Variants in EPHB1 observed in about 807,000 individuals in gnomAD.
The protein encoded by EPHB1 is EPH receptor B1.
EPHB1 carries 30 observed loss-of-function variants against 94.4 expected under a neutral mutation model. The ratio of observed to expected loss-of-function variants is 0.32; its 90% CI spans 0.24 to 0.43. The LOEUF (loss-of-function observed/expected upper bound fraction) is 0.43. Among genes scored for constraint, EPHB1 ranks in the 20% least tolerant of loss-of-function variants. The probability of loss-of-function intolerance (pLI) is 1.00; values close to 1 mark genes in which losing one functional copy is unlikely to be tolerated. For synonymous variants in EPHB1, 522 were observed against 489.1 expected, an observed-to-expected ratio of 1.07 and a Z score of -0.89; for missense variants, 1,055 against 1,308.3, an observed-to-expected ratio of 0.81 and a Z score of 2.99.
chr3:135,154,378 G>A, intron 6 of EPHB1, 102 bp downstream of exon 6: 1 of 1,513,078 alleles, frequency 6.6e-7, no homozygotes, highest in Non-Finnish European at 8.9e-7. Flanking sequence ...GCTGAGGTGG[G>A]GAGGATTCTG....
intron 3 of EPHB1, among the ~76,000 whole-genome samples, chr3:134,975,293 T>A (rs1346030519): frequency 6.6e-6 from 1 of 152,120 alleles, no homozygotes; most frequent in Non-Finnish European, 1.5e-5. Context: ...TTTGCAGGCC[T>A]GAGTTTGGTG....
At chr3:134,857,352 T>C (rs1007950986) in intron 1 of EPHB1, among the ~76,000 whole-genome samples, 2 of 152,190 alleles carry the variant, frequency 1.3e-5, no homozygotes, top group Non-Finnish European at 2.9e-5. Flanking sequence ...CCTGGGCTTC[T>C]CCTGCTAGCT....
At chr3:134,904,713 G>T (rs2038281918) in intron 1 of EPHB1, among the ~76,000 whole-genome samples, 2 of 152,172 alleles carry the variant, frequency 1.3e-5, no homozygotes, top group Admixed American at 1.3e-4. Flanking sequence ...ATGGGGAAGT[G>T]AATTCTACAG....
chr3:135,174,409 T>A (rs1941914694), intron 9 of EPHB1, among the ~76,000 whole-genome samples: 2 of 152,174 alleles, frequency 1.3e-5, no homozygotes, highest in Admixed American at 6.5e-5. Flanking sequence ...GATGTGCACT[T>A]GTCCTTTCAG....
At chr3:134,874,631 T>C (rs2037579044) in intron 1 of EPHB1, among the ~76,000 whole-genome samples, 1 of 152,220 alleles carries the variant, frequency 6.6e-6, no homozygotes, top group South Asian at 2.1e-4. Flanking sequence ...GTGGGTCCTT[T>C]GGCTCCTGGA....
intron 10 of EPHB1, among the ~76,000 whole-genome samples, chr3:135,191,870 A>G (rs1292740507): frequency 1.3e-5 from 2 of 152,176 alleles, no homozygotes; most frequent in Non-Finnish European, 2.9e-5. Context: ...AGCTCTTCCC[A>G]GCAGCCCCCA....
At chr3:134,849,000 T>C (rs150261451) in intron 1 of EPHB1, among the ~76,000 whole-genome samples, 219 of 152,246 alleles carry the variant, frequency 1.4e-3, no homozygotes, top group South Asian at 0.011. Flanking sequence ...CCTTGTCCTG[T>C]GAAGATCACA....
intron 3 of EPHB1, among the ~76,000 whole-genome samples, chr3:134,957,503 G>A (rs889527007): frequency 6.6e-6 from 1 of 152,168 alleles, no homozygotes; most frequent in African/African-American, 2.4e-5. Context: ...GAAGGTATCC[G>A]AGCATCACTA....
intron 1 of EPHB1, among the ~76,000 whole-genome samples, chr3:134,826,698 A>G (rs1457448871): frequency 1.3e-5 from 2 of 152,224 alleles, no homozygotes; most frequent in Non-Finnish European, 2.9e-5. Flanking sequence ...CCTTGTAGCT[A>G]TATAGCAGCT....
At chr3:135,084,768 G>C (rs1324299774) in intron 3 of EPHB1, among the ~76,000 whole-genome samples, 1 of 152,242 alleles carries the variant, frequency 6.6e-6, no homozygotes, top group East Asian at 1.9e-4. Context: ...ACTTGCAGTT[G>C]TTTTTGCTAT....
chr3:134,976,021 T>C (rs1444819215), intron 3 of EPHB1, among the ~76,000 whole-genome samples: 1 of 152,158 alleles, frequency 6.6e-6, no homozygotes, highest in African/African-American at 2.4e-5. Flanking sequence ...ATTAACAGAA[T>C]GCAGAATGGA....
chr3:135,182,322 T>C (rs1206534457), intron 10 of EPHB1, among the ~76,000 whole-genome samples: 1 of 152,180 alleles, frequency 6.6e-6, no homozygotes, highest in Non-Finnish European at 1.5e-5. Flanking sequence ...AAAACTTGGG[T>C]TGCAACATGG....
At chr3:135,000,336 G>A (rs931208091) in intron 3 of EPHB1, among the ~76,000 whole-genome samples, 1 of 152,184 alleles carries the variant, frequency 6.6e-6, no homozygotes, top group Non-Finnish European at 1.5e-5. Flanking sequence ...CTCTGCCCAT[G>A]AGAAGGGTAC....
intron 1 of EPHB1, among the ~76,000 whole-genome samples, chr3:134,805,527 C>G (rs2036026596): frequency 6.6e-6 from 1 of 152,124 alleles, no homozygotes; most frequent in Non-Finnish European, 1.5e-5. Context: ...TCACCTGGGT[C>G]CACCTTGCCT....
At chr3:135,022,168 C>T (rs1451657170) in intron 3 of EPHB1, among the ~76,000 whole-genome samples, 2 of 152,162 alleles carry the variant, frequency 1.3e-5, no homozygotes, top group Non-Finnish European at 2.9e-5. Flanking sequence ...GACGAGGTTT[C>T]ACCATGTTAG....
intron 1 of EPHB1, among the ~76,000 whole-genome samples, chr3:134,919,473 T>G (rs1460888669): frequency 6.6e-6 from 1 of 152,192 alleles, no homozygotes; most frequent in Non-Finnish European, 1.5e-5. Context: ...TGAGGCCAAT[T>G]CAGACGGGTA....
At chr3:134,945,336 T>C (rs2039197604) in intron 2 of EPHB1, among the ~76,000 whole-genome samples, 1 of 152,164 alleles carries the variant, frequency 6.6e-6, no homozygotes, top group South Asian at 2.1e-4. Context: ...TTCTCCATGG[T>C]TTCTTTTAGT....
In EPHB1 at chr3:134,996,667, A is replaced by G. The variant is rs551242210; in HGVS notation, c.805+44615A>G. ...CTTCTTCCTAGTATTTCCAACAATG[A>G]TCATTGTAATTCTTTTGATTATTTG... On this transcript the variant is annotated intron_variant, in intron 3 of 15. Transcript: ENST00000398015. Among the ~76,000 whole-genome samples, 24 of 152,154 alleles carry G rather than the reference A, an allele frequency of 1.6e-4. No homozygotes were observed. In the South Asian group the frequency reaches 5.0e-3, roughly 32 times the overall value.
chr3:134,909,724 T>C (rs1473212996), intron 1 of EPHB1, among the ~76,000 whole-genome samples: 5 of 152,208 alleles, frequency 3.3e-5, no homozygotes, highest in African/African-American at 1.2e-4. Context: ...ATAGGGAGTC[T>C]TGAGGCCACA....
Sources: gnomAD v4.1 joint callset for allele counts (sites outside exome capture counted in the v4.1 genomes callset) on GRCh38, gnomAD v4.1.1 for gene constraint, MANE v1.5 for transcripts, NCBI Gene and HGNC (gene_info 2026-07-23, HGNC 2026-07-21) for gene names.